GRID2: variants seen among roughly 807,000 people sequenced by gnomAD.
The protein encoded by GRID2 is glutamate ionotropic receptor delta type subunit 2.
GRID2 carries 33 observed loss-of-function variants against 114.8 expected under a neutral mutation model. The observed-to-expected ratio is 0.29, with a 90% CI of 0.22 to 0.38. The LOEUF (loss-of-function observed/expected upper bound fraction) is 0.38, where lower values mean the gene tolerates loss of function less well. GRID2 is among the 10% of genes least tolerant of loss of function. GRID2 has a pLI of 1.00. For missense variants in GRID2, 1,184 were observed against 1,257.7 expected, an observed-to-expected ratio of 0.94 and a Z score of 0.89; for synonymous variants, 505 against 449.9, an observed-to-expected ratio of 1.12 and a Z score of -1.55.
chr4:92,432,722 CTT>C (rs1732523219), intron 1 of GRID2, among the ~76,000 whole-genome samples: 1 of 152,102 alleles, frequency 6.6e-6, no homozygotes, highest in Non-Finnish European at 1.5e-5. Context: ...CATGAGCCTG[CTT>C]AGTACTCTAC....
At chr4:92,748,886 A>G (rs1041785265) in intron 2 of GRID2, among the ~76,000 whole-genome samples, 1 of 150,924 alleles carries the variant, frequency 6.6e-6, no homozygotes, top group Non-Finnish European at 1.5e-5. Flanking sequence ...CAGGTCTCGA[A>G]CTCCTGAGCT....
At chr4:92,798,623 C>T (rs1473887960) in intron 2 of GRID2, among the ~76,000 whole-genome samples, 1 of 152,020 alleles carries the variant, frequency 6.6e-6, no homozygotes. Flanking sequence ...TTAAAACTTG[C>T]ATTCATTAGG....
intron 10 of GRID2, among the ~76,000 whole-genome samples, chr4:93,447,670 A>G (rs952537542): frequency 6.6e-6 from 1 of 152,026 alleles, no homozygotes; most frequent in African/African-American, 2.4e-5. Flanking sequence ...TTATTTGTTT[A>G]CAAACAAATT....
Position 92,308,830 on chromosome 4 carries a change from CAA to C in GRID2, c.88+4087_88+4088del, listed in dbSNP as rs1208179026. ...ATTTTTTGGATTGTGTAAGATGTCT[CAA>C]TGATATTTTATCCTTTTTCTACTTA... On this transcript the variant is annotated intron_variant, in intron 1 of 15. Transcript: ENST00000282020. Among the ~76,000 whole-genome samples, 13 of 151,888 alleles carry C rather than the reference CAA, an allele frequency of 8.6e-5. No individual in the cohort carries two copies. In the South Asian group the frequency reaches 2.3e-3, roughly 27 times the overall value.
At chr4:92,615,080 A>G (rs1322224096) in intron 2 of GRID2, among the ~76,000 whole-genome samples, 1 of 151,574 alleles carries the variant, frequency 6.6e-6, no homozygotes. Context: ...ATATTTCTTA[A>G]AAGTCTGGAG....
chr4:93,753,808 TG>T, intron 14 of GRID2, among the ~76,000 whole-genome samples: 1 of 152,224 alleles, frequency 6.6e-6, no homozygotes, highest in Non-Finnish European at 1.5e-5. Flanking sequence ...TGAAAGTCCC[TG>T]GGGAATCTTG....
chr4:92,691,732 A>G (rs1208999129), intron 2 of GRID2, among the ~76,000 whole-genome samples: 1 of 152,184 alleles, frequency 6.6e-6, no homozygotes, highest in African/African-American at 2.4e-5. Context: ...ATCCTGGGAA[A>G]CTTTTTATTC....
chr4:92,337,610 C>G (rs1018086002), intron 1 of GRID2, among the ~76,000 whole-genome samples: 2 of 152,140 alleles, frequency 1.3e-5, no homozygotes, highest in Admixed American at 1.3e-4. Context: ...GAGAAGTGAG[C>G]AAGAGAGGAG....
chr4:92,525,606 A>T (rs913457228), intron 1 of GRID2, among the ~76,000 whole-genome samples: 1 of 152,122 alleles, frequency 6.6e-6, no homozygotes, highest in Non-Finnish European at 1.5e-5. Context: ...GCTTTAGAAA[A>T]ACAGAAGAAG....
At chr4:93,281,050 T>C (rs1205330080) in intron 8 of GRID2, among the ~76,000 whole-genome samples, 5 of 151,730 alleles carry the variant, frequency 3.3e-5, no homozygotes, top group African/African-American at 1.2e-4. Context: ...TAAATATAAA[T>C]ATATACACAC....
intron 2 of GRID2, among the ~76,000 whole-genome samples, chr4:92,981,729 T>C (rs2149188352): frequency 6.6e-6 from 1 of 152,006 alleles, no homozygotes; most frequent in Non-Finnish European, 1.5e-5. Context: ...AGAGACATGG[T>C]CTTAATAATT....
chr4:92,557,630 C>CATAT (rs10638716), intron 1 of GRID2, among the ~76,000 whole-genome samples: 24,921 of 145,518 alleles, frequency 0.17, 2,268 homozygotes, highest in Middle Eastern at 0.28. Context: ...TACTTCACTG[C>CATAT]ATATATATAT....
At chr4:92,696,397 T>C (rs1321736806) in intron 2 of GRID2, among the ~76,000 whole-genome samples, 2 of 152,196 alleles carry the variant, frequency 1.3e-5, no homozygotes, top group Admixed American at 1.3e-4. Context: ...TAATGCTGTA[T>C]ACATAAATTT....
chr4:93,672,323 G>A (rs554312682), intron 14 of GRID2, among the ~76,000 whole-genome samples: 15 of 152,358 alleles, frequency 9.8e-5, no homozygotes, highest in African/African-American at 3.6e-4. Context: ...GGTGGCCAAG[G>A]GAATAGCTGT....
intron 4 of GRID2, among the ~76,000 whole-genome samples, chr4:93,138,100 G>C (rs957110445): frequency 6.8e-6 from 1 of 147,156 alleles, no homozygotes; most frequent in African/African-American, 2.5e-5. Context: ...AGCCCCCCAA[G>C]TAACTGAGGC....
chr4:93,450,614 T>C (rs1722598029), intron 10 of GRID2, among the ~76,000 whole-genome samples: 1 of 151,870 alleles, frequency 6.6e-6, no homozygotes. Context: ...TGCTTATTAG[T>C]CATGCTCCAT....
At chr4:93,310,554 A>G (rs546711543) in intron 8 of GRID2, among the ~76,000 whole-genome samples, 8 of 152,102 alleles carry the variant, frequency 5.3e-5, no homozygotes, top group Non-Finnish European at 1.2e-4. Context: ...ATAAAATAAA[A>G]TTGAGAACAC....
At chr4:92,735,899 A>C (rs1429036316) in intron 2 of GRID2, among the ~76,000 whole-genome samples, 1 of 152,060 alleles carries the variant, frequency 6.6e-6, no homozygotes, top group Non-Finnish European at 1.5e-5. Context: ...TAAATTTAAA[A>C]ATTAGAAAGA....
chr4:93,270,612 C>CTTGTTT (rs1353238570), intron 8 of GRID2, among the ~76,000 whole-genome samples: 4 of 151,786 alleles, frequency 2.6e-5, no homozygotes, highest in Non-Finnish European at 5.9e-5. Flanking sequence ...TTTTCTTCTT[C>CTTGTTT]TTGTTTTTGT....
Sources: gnomAD v4.1 joint callset for allele counts (sites outside exome capture counted in the v4.1 genomes callset) on GRCh38, gnomAD v4.1.1 for gene constraint, MANE v1.5 for transcripts, NCBI Gene and HGNC (gene_info 2026-07-23, HGNC 2026-07-21) for gene names.